SSBP2: variants seen among roughly 807,000 people sequenced by gnomAD.
The protein encoded by SSBP2 is single stranded DNA binding protein 2, also known as single-stranded DNA-binding protein 2.
A neutral mutation model predicts 61.8 loss-of-function variants in SSBP2; 17 were observed. That is an observed-to-expected ratio of 0.28 (90% CI 0.19 to 0.41). The LOEUF is 0.41. Among genes scored for constraint, SSBP2 ranks in the 10% least tolerant of loss-of-function variants. The probability of loss-of-function intolerance (pLI) is 1.00; values close to 1 mark genes in which losing one functional copy is unlikely to be tolerated. For synonymous variants in SSBP2, 139 were observed against 141.3 expected, an observed-to-expected ratio of 0.98 and a Z score of 0.12; for missense variants, 310 against 458.7, an observed-to-expected ratio of 0.68 and a Z score of 2.96.
At chr5:81,633,840 C>T (rs571112067) in intron 3 of SSBP2, among the ~76,000 whole-genome samples, 3 of 152,362 alleles carry the variant, frequency 2.0e-5, no homozygotes, top group East Asian at 3.9e-4. Flanking sequence ...TTCTACTTCT[C>T]TTGCTCCGCA....
chr5:81,460,994 G>C (rs1218826044), intron 10 of SSBP2, 61 bp downstream of exon 10: 2 of 1,056,310 alleles, frequency 1.9e-6, no homozygotes, highest in African/African-American at 3.4e-5. Context: ...AAATGTTTTT[G>C]TGATTTTTGT....
At chr5:81,724,267 C>T (rs1468828040) in intron 1 of SSBP2, among the ~76,000 whole-genome samples, 1 of 151,902 alleles carries the variant, frequency 6.6e-6, no homozygotes, top group Non-Finnish European at 1.5e-5. Flanking sequence ...TTATGTCATC[C>T]CATGGTAATT....
chr5:81,477,683 G>A (rs935329641), intron 6 of SSBP2, among the ~76,000 whole-genome samples: 3 of 150,180 alleles, frequency 2.0e-5, no homozygotes, highest in Admixed American at 2.0e-4. Flanking sequence ...GTTTTTATAG[G>A]ATCATATACC....
At chr5:81,629,232 G>A (rs976309279) in intron 3 of SSBP2, among the ~76,000 whole-genome samples, 7 of 152,044 alleles carry the variant, frequency 4.6e-5, no homozygotes, top group East Asian at 3.9e-4. Flanking sequence ...TGATCCACCC[G>A]CCTTGGCCTC....
intron 1 of SSBP2, among the ~76,000 whole-genome samples, chr5:81,696,466 T>C (rs148390338): frequency 3.5e-4 from 54 of 152,264 alleles, no homozygotes; most frequent in African/African-American, 1.3e-3. Context: ...AAATCCCTGC[T>C]CCTCAAGGGG....
chr5:81,711,846 T>C (rs1754805433), intron 1 of SSBP2, among the ~76,000 whole-genome samples: 1 of 152,046 alleles, frequency 6.6e-6, no homozygotes, highest in African/African-American at 2.4e-5. Flanking sequence ...ATGTTGACTA[T>C]GGAAAACTAC....
intron 16 of SSBP2, among the ~76,000 whole-genome samples, chr5:81,425,362 T>A (rs1422201895): frequency 6.6e-6 from 1 of 152,210 alleles, no homozygotes; most frequent in Non-Finnish European, 1.5e-5. Flanking sequence ...ATAAATTTAG[T>A]ATTTATGATT....
At chr5:81,734,392 G>A (rs1348416383) in intron 1 of SSBP2, among the ~76,000 whole-genome samples, 1 of 152,108 alleles carries the variant, frequency 6.6e-6, no homozygotes, top group Admixed American at 6.5e-5. Flanking sequence ...AATTTCTCAG[G>A]TATATTCTAA....
At chr5:81,683,683 G>A (rs1404254139) in intron 1 of SSBP2, among the ~76,000 whole-genome samples, 2 of 152,046 alleles carry the variant, frequency 1.3e-5, no homozygotes, top group Admixed American at 6.6e-5. Context: ...GAATGAGAAG[G>A]CACAGAATGA....
At chr5:81,442,523 G>T in intron 13 of SSBP2, 130 bp downstream of exon 13, 1 of 549,806 alleles carries the variant, frequency 1.8e-6, no homozygotes, top group Non-Finnish European at 3.2e-6. Flanking sequence ...AAAAGAATTT[G>T]ACTTTTTGAA....
chr5:81,413,062 A>G lies in SSBP2; in HGVS notation c.*7442T>C, dbSNP rs1761197461. On this transcript the variant is annotated 3_prime_UTR_variant, in exon 17 of 17. Transcript: ENST00000320672. ...TTTGATGTTTATGCTGGCTTCATAC[A>G]AACTTGACTTTTTCAACAAGTAATG... The G allele has an allele frequency of 6.6e-6, 1 of 152,224 alleles. No homozygotes were observed. Among genetic ancestry groups the G allele is most frequent in the South Asian group, 2.1e-4 (1 of 4,836 alleles). 9.4% of individuals were successfully genotyped at this position (152,224 alleles called of 1,614,324 possible).
intron 16 of SSBP2, among the ~76,000 whole-genome samples, chr5:81,424,062 T>G (rs747644670): frequency 2.0e-5 from 3 of 151,484 alleles, no homozygotes; most frequent in Non-Finnish European, 2.9e-5. Flanking sequence ...AGTGAAAAAA[T>G]AGAGAAAATG....
At chr5:81,711,061 A>G (rs1201207860) in intron 1 of SSBP2, among the ~76,000 whole-genome samples, 1 of 152,110 alleles carries the variant, frequency 6.6e-6, no homozygotes, top group East Asian at 1.9e-4. Flanking sequence ...AACAATAAAA[A>G]TAACAAATCT....
intron 4 of SSBP2, among the ~76,000 whole-genome samples, chr5:81,593,649 GA>G (rs1377293179): frequency 6.6e-6 from 1 of 152,212 alleles, no homozygotes; most frequent in Non-Finnish European, 1.5e-5. Context: ...TCTCTCGGCA[GA>G]AACTCTACAA....
chr5:81,599,324 T>A (rs1286117561), intron 4 of SSBP2, among the ~76,000 whole-genome samples: 2 of 152,250 alleles, frequency 1.3e-5, no homozygotes, highest in Non-Finnish European at 2.9e-5. Flanking sequence ...AGAGCAAGTT[T>A]CTATTTTTCC....
At chr5:81,604,125 A>G (rs188877312) in intron 4 of SSBP2, among the ~76,000 whole-genome samples, 1 of 152,206 alleles carries the variant, frequency 6.6e-6, no homozygotes, top group Non-Finnish European at 1.5e-5. Context: ...TAAAAATTCT[A>G]TATTTACTAT....
At chr5:81,632,599 C>G (rs1171221727) in intron 3 of SSBP2, among the ~76,000 whole-genome samples, 1 of 152,068 alleles carries the variant, frequency 6.6e-6, no homozygotes, top group Non-Finnish European at 1.5e-5. Flanking sequence ...ATGGTCCTCT[C>G]CCCTCTCACT....
At chr5:81,427,299 T>TC (rs1762014350) in intron 16 of SSBP2, among the ~76,000 whole-genome samples, 1 of 152,178 alleles carries the variant, frequency 6.6e-6, no homozygotes, top group Non-Finnish European at 1.5e-5. Context: ...CTCATGTTTT[T>TC]CCTTAACACT....
intron 4 of SSBP2, 68 bp downstream of exon 4, chr5:81,615,405 A>AT: frequency 8.7e-7 from 1 of 1,147,766 alleles, no homozygotes; most frequent in Non-Finnish European, 1.3e-6. Flanking sequence ...GAGCCAGTGT[A>AT]TTTTTTAAGA....
Sources: allele counts gnomAD v4.1 joint callset (sites outside exome capture counted in the v4.1 genomes callset), GRCh38; gene constraint gnomAD v4.1.1; transcripts MANE v1.5; gene names NCBI Gene and HGNC (gene_info 2026-07-23, HGNC 2026-07-21).